Variants in WARS2 observed in about 807,000 individuals in gnomAD.
WARS2 encodes tryptophan--tRNA ligase, mitochondrial.
Under a neutral mutation model 36.5 loss-of-function variants are expected in WARS2, and 28 were observed. The ratio of observed to expected loss-of-function variants is 0.77; its 90% CI spans 0.57 to 1.05. The LOEUF (loss-of-function observed/expected upper bound fraction) is 1.05. Among genes scored for constraint, WARS2 ranks in the 50% least tolerant of loss-of-function variants. WARS2 has a pLI of 0.00. For synonymous variants in WARS2, 174 were observed against 178.4 expected (o/e 0.98, Z 0.20); for missense variants, 435 against 456.8 (o/e 0.95, Z 0.44).
intron 1 of WARS2, among the ~76,000 whole-genome samples, chr1:119,135,286 G>T (rs954533587): frequency 6.6e-6 from 1 of 152,174 alleles, no homozygotes; most frequent in Admixed American, 6.5e-5. Context: ...CACTGTCTCA[G>T]GAGCCCCTGG....
chr1:119,134,193 T>G (rs770899211), intron 1 of WARS2, among the ~76,000 whole-genome samples: 4 of 151,674 alleles, frequency 2.6e-5, no homozygotes, highest in Admixed American at 1.3e-4. Flanking sequence ...AAGGAGAAAC[T>G]GACATTCTTG....
chr1:119,034,244 G>A, intron 4 of WARS2, 31 bp from the exon 5 acceptor site: 1 of 1,558,604 alleles, frequency 6.4e-7, no homozygotes, highest in Non-Finnish European at 8.8e-7. Flanking sequence ...AAAAACAACA[G>A]CAAGGCTCTT....
At chr1:119,129,563 A>C (rs973413666) in intron 1 of WARS2, among the ~76,000 whole-genome samples, 1 of 152,030 alleles carries the variant, frequency 6.6e-6, no homozygotes, top group Non-Finnish European at 1.5e-5. Context: ...CAAAAAAATC[A>C]GCCAAATGTG....
chr1:119,107,269 C>A (rs1654300972), intron 1 of WARS2, among the ~76,000 whole-genome samples: 1 of 152,050 alleles, frequency 6.6e-6, no homozygotes, highest in Non-Finnish European at 1.5e-5. Flanking sequence ...TTCTCATTTT[C>A]TTGACATTGT....
chr1:119,098,975 G>C (rs1042238887), intron 1 of WARS2, among the ~76,000 whole-genome samples: 8 of 151,928 alleles, frequency 5.3e-5, no homozygotes, highest in African/African-American at 1.9e-4. Flanking sequence ...GACCTCAGGT[G>C]ATCCACCCAC....
intron 1 of WARS2, among the ~76,000 whole-genome samples, chr1:119,122,052 T>TA (rs779894680): frequency 6.6e-5 from 10 of 152,058 alleles, no homozygotes; most frequent in Admixed American, 2.6e-4. Flanking sequence ...GGGACTTAAT[T>TA]AAACTAAAAA....
intron 2 of WARS2, among the ~76,000 whole-genome samples, chr1:119,051,540 T>C (rs1427509542): frequency 1.3e-5 from 2 of 152,134 alleles, no homozygotes; most frequent in African/African-American, 4.8e-5. Flanking sequence ...TTTACATTCC[T>C]TTGGGTATAT....
Position 119,135,185 on chromosome 1 carries a change from A to G in WARS2, c.90+5370T>C, listed in dbSNP as rs587605102. 2.0e-5 allele frequency among the ~76,000 whole-genome samples: 3 copies of G among 152,336 alleles called. No homozygotes were observed. The South Asian group carries it at 6.2e-4, about 32-fold the overall frequency. Reference sequence around the variant, plus strand: ...GCTCCTTAAAAATAATCCATCCATCATATGTGGTCCTGATCAACAAACTTA... The same window carrying G: ...GCTCCTTAAAAATAATCCATCCATCGTATGTGGTCCTGATCAACAAACTTA... On this transcript the variant is annotated intron_variant, in intron 1 of 5. Transcript: ENST00000235521.
chr1:119,079,351 C>G (rs1404468801), intron 1 of WARS2, among the ~76,000 whole-genome samples: 1 of 152,080 alleles, frequency 6.6e-6, no homozygotes, highest in Non-Finnish European at 1.5e-5. Context: ...TTTATCCATC[C>G]TTGGCCCTTT....
intron 2 of WARS2, chr1:119,064,413 T>C (rs922437353): frequency 2.6e-5 from 4 of 152,186 alleles, no homozygotes; most frequent in Non-Finnish European, 5.9e-5. Context: ...AGTTAAGACT[T>C]TGGGGGACTG....
intron 2 of WARS2, among the ~76,000 whole-genome samples, chr1:119,059,634 G>T (rs1650210106): frequency 6.6e-6 from 1 of 152,090 alleles, no homozygotes; most frequent in Non-Finnish European, 1.5e-5. Context: ...CTTTTTCAAA[G>T]CTGTTTTGAG....
chr1:119,086,550 G>C (rs1652683982), intron 1 of WARS2, among the ~76,000 whole-genome samples: 1 of 152,110 alleles, frequency 6.6e-6, no homozygotes, highest in Admixed American at 6.5e-5. Flanking sequence ...AGCTCTGGTG[G>C]GTCCCTGACT....
intron 1 of WARS2, among the ~76,000 whole-genome samples, chr1:119,122,859 T>C (rs1485733445): frequency 6.6e-6 from 1 of 152,024 alleles, no homozygotes; most frequent in South Asian, 2.1e-4. Context: ...ATAAGAATGA[T>C]AGAATGGACT....
At chr1:119,040,727 C>T (rs1261258433) in intron 4 of WARS2, among the ~76,000 whole-genome samples, 3 of 152,208 alleles carry the variant, frequency 2.0e-5, no homozygotes, top group Non-Finnish European at 1.5e-5. Context: ...CACAGTACTG[C>T]CTGGCCTATA....
intron 4 of WARS2, among the ~76,000 whole-genome samples, chr1:119,034,655 G>GA (rs960407359): frequency 2.0e-5 from 3 of 152,176 alleles, no homozygotes; most frequent in Non-Finnish European, 4.4e-5. Context: ...AAAGGCAGCA[G>GA]AAAGTTCTTC....
At chr1:119,102,342 C>A (rs981127929) in intron 1 of WARS2, among the ~76,000 whole-genome samples, 1 of 152,176 alleles carries the variant, frequency 6.6e-6, no homozygotes, top group African/African-American at 2.4e-5. Context: ...TCTATTTAAC[C>A]GGTAACCTCA....
In WARS2 at chr1:119,119,871, T is replaced by C. The variant is rs1227773989; in HGVS notation, c.90+20684A>G. Among the ~76,000 whole-genome samples, 6 of 151,998 alleles carry C rather than the reference T, an allele frequency of 3.9e-5. No individual in the cohort carries two copies. In the East Asian group the frequency reaches 1.2e-3, roughly 29 times the overall value. On this transcript the variant is annotated intron_variant, in intron 1 of 5. Transcript: ENST00000235521. The stretch of plus-strand genomic sequence containing the variant: ...AAATTATTTGAACTGTGAATGATAA[T>C]AGCAGCACAACCAATCAAAACCTCT...
At chr1:119,134,371 G>A (rs191665952) in intron 1 of WARS2, among the ~76,000 whole-genome samples, 59 of 136,074 alleles carry the variant, frequency 4.3e-4, no homozygotes, top group Admixed American at 1.1e-3. Flanking sequence ...CAGTTCTTTA[G>A]TCAACCAGAA....
chr1:119,051,977 C>T (rs990998547), intron 2 of WARS2, among the ~76,000 whole-genome samples: 3 of 151,968 alleles, frequency 2.0e-5, no homozygotes, highest in African/African-American at 2.4e-5. Context: ...CCAGGCTGGT[C>T]TTGAACTCCT....
Sources: allele counts gnomAD v4.1 joint callset (sites outside exome capture counted in the v4.1 genomes callset), GRCh38; gene constraint gnomAD v4.1.1; transcripts MANE v1.5; gene names NCBI Gene and HGNC (gene_info 2026-07-23, HGNC 2026-07-21).